Variants in WDR86 observed in about 807,000 individuals in gnomAD.
The protein encoded by WDR86 is WD repeat domain 86, also known as WD repeat-containing protein 86.
A neutral mutation model predicts 36.5 loss-of-function variants in WDR86; 30 were observed. The ratio of observed to expected loss-of-function variants is 0.82; its 90% confidence interval spans 0.61 to 1.11. WDR86 has a LOEUF of 1.11. WDR86 is among the 50% of genes most tolerant of loss of function. The probability of loss-of-function intolerance (pLI) is 0.00; values close to 1 mark genes in which losing one functional copy is unlikely to be tolerated. For missense variants in WDR86, 545 were observed against 561.2 expected, an observed-to-expected ratio of 0.97 and a Z score of 0.29; for synonymous variants, 255 against 252.9, an observed-to-expected ratio of 1.01 and a Z score of -0.08.
the WDR86 span, among the ~76,000 whole-genome samples, chr7:151,370,128 C>T: frequency 1.3e-5 from 2 of 151,214 alleles, no homozygotes; most frequent in African/African-American, 4.9e-5. Flanking sequence ...GAGTCTCACT[C>T]TGTCACCCAG....
In WDR86 at chr7:151,393,358, ACT is replaced by A. The variant is rs928978068; in HGVS notation, c.726+2416_726+2417del. On this transcript the variant is annotated intron_variant, in intron 3 of 5. Transcript: ENST00000334493. ...CGCACTCTCTCCTTTAGCCTTCCTG[ACT>A]CTCTGCCAGGACACCCTACGCTCCC... 6.1e-4 allele frequency among the ~76,000 whole-genome samples: 93 copies of A among 151,560 alleles called. 1 individual carries two copies. Among genetic ancestry groups the A allele is most frequent in the African/African-American group, 2.0e-3 (83 of 41,266 alleles).
At chr7:151,391,567 C>T (rs1799442376) in intron 3 of WDR86, among the ~76,000 whole-genome samples, 1 of 152,158 alleles carries the variant, frequency 6.6e-6, no homozygotes, top group Admixed American at 6.5e-5. Flanking sequence ...TTCTGTTTCT[C>T]TGCGCACCGG....
intron 1 of WDR86, among the ~76,000 whole-genome samples, chr7:151,402,080 T>A (rs770637641): frequency 3.6e-3 from 349 of 97,914 alleles, no homozygotes; most frequent in Non-Finnish European, 5.0e-3. Flanking sequence ...AATATATATA[T>A]ATATATATAT....
chr7:151,381,398 C>T lies in WDR86; in HGVS notation c.*184G>A. The T allele has an allele frequency of 6.8e-7, 1 of 1,476,068 alleles. No homozygotes were observed. The highest frequency in any genetic ancestry group is 8.9e-7 in the Non-Finnish European group (1 of 1,122,404). The allele number at this position is 1,476,068 out of a possible 1,614,324, so 91.4% of individuals were successfully genotyped here. On this transcript the variant is annotated 3_prime_UTR_variant, in exon 6 of 6. Transcript: ENST00000334493. The surrounding 1 kb of genome is among the most constrained non-coding windows in gnomAD (Gnocchi z 4.8). Reference sequence around the variant, plus strand: ...GGGGCGGTCCCCAGGGCGAGCACTCCCGCTCCCAGCGCCTCCTGGCCACCA... The same window carrying T: ...GGGGCGGTCCCCAGGGCGAGCACTCTCGCTCCCAGCGCCTCCTGGCCACCA...
At chr7:151,375,801 G>A, downstream of WDR86, 3 of 1,277,186 alleles carry the variant, frequency 2.3e-6, no homozygotes, top group Non-Finnish European at 3.4e-6. Context: ...GTCTGAATGT[G>A]TGAAGAGTTC....
chr7:151,406,512 G>A lies in WDR86; in HGVS notation c.163+2915C>T, dbSNP rs1012039100. 1.4e-4 allele frequency among the ~76,000 whole-genome samples: 21 copies of A among 152,182 alleles called. No individual in the cohort carries two copies. The highest frequency in any genetic ancestry group is 3.1e-4 in the Non-Finnish European group (21 of 68,040). Reference sequence around the variant, plus strand: ...CAAGGGCCAGGACGGAACCAAAGTGGAAAGAGATCTAGATTTAGAGTTAGG... The same window carrying A: ...CAAGGGCCAGGACGGAACCAAAGTGAAAAGAGATCTAGATTTAGAGTTAGG... On this transcript the variant is annotated intron_variant, in intron 1 of 5. Coordinates refer to ENST00000334493, the MANE Select transcript of WDR86 (RefSeq NM_198285.3). This position sits in a 1 kb window ranked among gnomAD's most constrained non-coding sequence, Gnocchi z 4.4.
In WDR86 at chr7:151,401,704, G is replaced by A. The variant is rs538280600; in HGVS notation, c.164-1463C>T. Among the ~76,000 whole-genome samples the A allele has an allele frequency of 6.6e-5, 10 of 152,190 alleles. No homozygotes were observed. Among genetic ancestry groups the A allele is most frequent in the African/African-American group, 4.8e-5 (2 of 41,524 alleles). On this transcript the variant is annotated intron_variant, in intron 1 of 5. Transcript: ENST00000334493. The surrounding 1 kb of genome is among the most constrained non-coding windows in gnomAD (Gnocchi z 4.3). ...AAGGGGTCTTTGTGGATGTGACGAGGTAAAGACTTTGACTGGGGAGATTAT... is the reference window on the plus strand; with the variant it reads ...AAGGGGTCTTTGTGGATGTGACGAGATAAAGACTTTGACTGGGGAGATTAT...
chr7:151,397,848 GAGGA>G (rs1799978982), intron 2 of WDR86, among the ~76,000 whole-genome samples: 1 of 145,874 alleles, frequency 6.9e-6, no homozygotes, highest in Non-Finnish European at 1.5e-5. Context: ...GGCATAGCGG[GAGGA>G]AGGGTGTAGC....
rs753044401 is a variant in WDR86 at position 151,390,479 on chromosome 7, C to T, written c.727-5256G>A. On this transcript the variant is annotated intron_variant, in intron 3 of 5. Transcript: ENST00000334493. This position sits in a 1 kb window ranked among gnomAD's most constrained non-coding sequence, Gnocchi z 4.5. ...CCTCCCATCCCTTTCCCTCTACACT[C>T]GCCTTAAGAATCATTTCACTTTGGC... Among the ~76,000 whole-genome samples the T allele has an allele frequency of 2.0e-5, 3 of 152,218 alleles. No homozygotes were observed. The highest frequency in any genetic ancestry group is 3.8e-4 in the East Asian group (2 of 5,196).
intron 3 of WDR86, among the ~76,000 whole-genome samples, chr7:151,386,791 G>T (rs1187412989): frequency 6.6e-6 from 1 of 152,084 alleles, no homozygotes; most frequent in African/African-American, 2.4e-5. Context: ...GCCCTGCAGG[G>T]CCCAGCTTCC....
chr7:151,376,623 C>G (rs1426238566), downstream of WDR86: 32 of 1,599,282 alleles, frequency 2.0e-5, no homozygotes, highest in Non-Finnish European at 2.2e-5. Flanking sequence ...GACCCCTGCG[C>G]TCTCCCCTAG....
Position 151,381,847 on chromosome 7 carries a change from C to CG in WDR86, c.966+30dup. ...GGCGGGGCACCTTCCCTCCCACGGG[C>CG]GGCGGCCCCGAGAAGGGCAGAGGGA... On this transcript the variant is annotated intron_variant, in intron 5 of 5. Coordinates refer to ENST00000334493, the MANE Select transcript of WDR86 (RefSeq NM_198285.3). This position sits in a 1 kb window ranked among gnomAD's most constrained non-coding sequence, Gnocchi z 4.8. 6.3e-7 allele frequency: 1 copy of CG among 1,577,546 alleles called. No homozygotes were observed. The highest frequency in any genetic ancestry group is 8.6e-7 in the Non-Finnish European group (1 of 1,162,330).
chr7:151,395,720 T>TG, intron 3 of WDR86, 56 bp downstream of exon 3: 1 of 1,497,168 alleles, frequency 6.7e-7, no homozygotes, highest in Non-Finnish European at 9.0e-7. Flanking sequence ...AGGGCGGCAG[T>TG]GCAGGGGGTG....
intron 1 of WDR86, among the ~76,000 whole-genome samples, chr7:151,404,312 C>T (rs1175222772): frequency 6.6e-6 from 1 of 152,222 alleles, no homozygotes; most frequent in East Asian, 1.9e-4. Flanking sequence ...TGGCACTGAG[C>T]CCACAGAGGC....
At position 151,381,421 on chromosome 7, in the gene WDR86, C is replaced by G; in HGVS notation, c.*161G>C. On this transcript the variant is annotated 3_prime_UTR_variant, in exon 6 of 6. Transcript: ENST00000334493. The surrounding 1 kb of genome is among the most constrained non-coding windows in gnomAD (Gnocchi z 4.8). ...TCCCGCTCCCAGCGCCTCCTGGCCA[C>G]CAAAGAAAAACCAGACGCCTGCGAC... The G allele has an allele frequency of 2.0e-6, 3 of 1,489,382 alleles. No homozygotes were observed. The South Asian group carries it at 3.8e-5, about 19-fold the overall frequency. The allele number at this position is 1,489,382 out of a possible 1,614,324, so 92.3% of individuals were successfully genotyped here. A position where few individuals can be genotyped will look rare whatever the true frequency, so the allele number is the denominator to read the frequency against.
chr7:151,396,302 C>G, intron 2 of WDR86, 106 bp from the exon 3 acceptor site: 1 of 1,301,778 alleles, frequency 7.7e-7, no homozygotes, highest in Non-Finnish European at 1.1e-6. Flanking sequence ...TAACCTCTCC[C>G]TGTGTCTGCC....
rs773034957 is a variant in WDR86, at chr7:151,381,386, G to A, written c.*196C>T. ...AAAAGGGAAAAGGGGGCGGTCCCCA[G>A]GGCGAGCACTCCCGCTCCCAGCGCC... is the stretch of plus-strand genomic sequence containing the variant. On this transcript the variant is annotated 3_prime_UTR_variant, in exon 6 of 6. Coordinates refer to ENST00000334493, the MANE Select transcript of WDR86 (RefSeq NM_198285.3). The surrounding 1 kb of genome is among the most constrained non-coding windows in gnomAD (Gnocchi z 4.8). 157 of 1,459,998 alleles carry A rather than the reference G, an allele frequency of 1.1e-4. 1 individual carries two copies. In the Middle Eastern group the frequency reaches 5.7e-3, roughly 53 times the overall value. The allele number at this position is 1,459,998 out of a possible 1,614,324, so 90.4% of individuals were successfully genotyped here.
In WDR86 at chr7:151,409,752, A is replaced by C. The variant is rs1274146998; in HGVS notation, c.-163T>G. 3.9e-6 allele frequency: 5 copies of C among 1,286,638 alleles called. No homozygotes were observed. The highest frequency in any genetic ancestry group is 4.9e-6 in the Non-Finnish European group (5 of 1,021,244). The allele number at this position is 1,286,638 out of a possible 1,614,324, so 79.7% of individuals were successfully genotyped here. Reference sequence around the variant, plus strand: ...CGGCGAGGGGAGGGTGAAGGACCCTAGCTCCCCGCTGCCTCCAGCCTCTGG... The same window carrying C: ...CGGCGAGGGGAGGGTGAAGGACCCTCGCTCCCCGCTGCCTCCAGCCTCTGG... On this transcript the variant is annotated 5_prime_UTR_variant, in exon 1 of 6. Coordinates refer to ENST00000334493, the MANE Select transcript of WDR86 (RefSeq NM_198285.3). This position sits in a 1 kb window ranked among gnomAD's most constrained non-coding sequence, Gnocchi z 5.2.
At chr7:151,392,408 A>AGG (rs36094964) in intron 3 of WDR86, among the ~76,000 whole-genome samples, 3 of 152,080 alleles carry the variant, frequency 2.0e-5, no homozygotes, top group Non-Finnish European at 1.5e-5. Flanking sequence ...GCTGGAACTT[A>AGG]GGGTTTGTGT....
Sources: allele counts gnomAD v4.1 joint callset (sites outside exome capture counted in the v4.1 genomes callset), GRCh38; gene constraint gnomAD v4.1.1; non-coding constraint Gnocchi (gnomAD v3.1); transcripts MANE v1.5; gene names NCBI Gene and HGNC (gene_info 2026-07-23, HGNC 2026-07-21).